Variants in RBMS3 observed in about 807,000 individuals in gnomAD.
RBMS3 encodes RNA binding motif single stranded interacting protein 3, also known as RNA-binding motif, single-stranded-interacting protein 3.
In RBMS3, 27 loss-of-function variants were observed where a neutral mutation model predicts 66.8. The ratio of observed to expected loss-of-function variants is 0.40; its 90% CI spans 0.30 to 0.56. RBMS3 has a LOEUF of 0.56. Ranked by LOEUF, RBMS3 falls within the 20% of genes least tolerant of loss-of-function variation. RBMS3 has a pLI of 0.40. For missense variants in RBMS3, 513 were observed against 549.5 expected (o/e 0.93, Z 0.66); for synonymous variants, 188 against 183.0 (o/e 1.03, Z -0.22).
intron 2 of RBMS3, among the ~76,000 whole-genome samples, chr3:29,480,454 G>T (rs1177158428): frequency 3.9e-5 from 6 of 152,102 alleles, no homozygotes; most frequent in Non-Finnish European, 7.4e-5. Context: ...TGGAGATAAG[G>T]GAAAAAGTAC....
chr3:29,698,938 C>G (rs1176794698), intron 4 of RBMS3, among the ~76,000 whole-genome samples: 1 of 152,074 alleles, frequency 6.6e-6, no homozygotes, highest in African/African-American at 2.4e-5. Flanking sequence ...CTTCACATAA[C>G]AACATATCTT....
intron 11 of RBMS3, among the ~76,000 whole-genome samples, chr3:29,937,071 G>A (rs2061285544): frequency 4.6e-5 from 7 of 151,984 alleles, no homozygotes; most frequent in Admixed American, 4.6e-4. Context: ...ATAAAAATAT[G>A]TTTTCTTTTG....
rs372173767 is a variant in RBMS3 at position 29,451,503 on chromosome 3, T to C, written c.248+16588T>C. Among the ~76,000 whole-genome samples the C allele has an allele frequency of 2.0e-5, 3 of 152,312 alleles. No homozygotes were observed. The East Asian group carries it at 5.8e-4, about 29-fold the overall frequency. On this transcript the variant is annotated intron_variant, in intron 2 of 14. Transcript: ENST00000383767. ...CCAGCATCTTAGTGTCTCCCTAATA[T>C]ATAATTAAGCAAAATTCAATATTAC...
At chr3:29,711,973 C>T (rs2053189318) in intron 4 of RBMS3, among the ~76,000 whole-genome samples, 4 of 152,146 alleles carry the variant, frequency 2.6e-5, no homozygotes, top group Non-Finnish European at 5.9e-5. Flanking sequence ...AACAGAGACA[C>T]TGTGCTTTTA....
intron 1 of RBMS3, among the ~76,000 whole-genome samples, chr3:29,286,346 A>G (rs975244595): frequency 6.6e-6 from 1 of 151,984 alleles, no homozygotes; most frequent in Admixed American, 6.6e-5. Flanking sequence ...GGGATTGAAC[A>G]CAATCCCAGT....
intron 10 of RBMS3, among the ~76,000 whole-genome samples, chr3:29,915,209 G>A (rs2060608675): frequency 6.6e-6 from 1 of 151,628 alleles, no homozygotes; most frequent in Non-Finnish European, 1.5e-5. Context: ...GATTATTTCA[G>A]GCTTTGCTGG....
intron 4 of RBMS3, among the ~76,000 whole-genome samples, chr3:29,692,738 G>T (rs1355150866): frequency 6.6e-6 from 1 of 152,164 alleles, no homozygotes; most frequent in Non-Finnish European, 1.5e-5. Flanking sequence ...TGATAGTAAT[G>T]AGTATACTGC....
chr3:29,434,312 T>C (rs2041315859), intron 1 of RBMS3, among the ~76,000 whole-genome samples: 1 of 152,196 alleles, frequency 6.6e-6, no homozygotes, highest in Non-Finnish European at 1.5e-5. Flanking sequence ...AGGGAGTTTC[T>C]TTGGAGAAAA....
chr3:29,571,106 G>A (rs2046937341), intron 3 of RBMS3, among the ~76,000 whole-genome samples: 1 of 151,764 alleles, frequency 6.6e-6, no homozygotes, highest in South Asian at 2.1e-4. Flanking sequence ...CCATATGCCT[G>A]TTTGCCATTT....
chr3:29,724,905 G>T (rs912241229), intron 4 of RBMS3, among the ~76,000 whole-genome samples: 1 of 152,110 alleles, frequency 6.6e-6, no homozygotes, highest in African/African-American at 2.4e-5. Context: ...ACTTTCTAAG[G>T]CAGGCAGAGA....
chr3:29,421,134 C>CCGAAA, intron 1 of RBMS3, among the ~76,000 whole-genome samples: 1 of 150,916 alleles, frequency 6.6e-6, no homozygotes, highest in African/African-American at 2.4e-5. Context: ...AAAAAGAAAA[C>CCGAAA]AGAAAAGGCC....
chr3:29,436,559 A>G (rs2041411928), intron 2 of RBMS3, among the ~76,000 whole-genome samples: 3 of 152,254 alleles, frequency 2.0e-5, no homozygotes, highest in Admixed American at 6.5e-5. Flanking sequence ...GTTGTTTAAA[A>G]AATCTAAACT....
At chr3:29,346,682 C>T (rs1005880138) in intron 1 of RBMS3, among the ~76,000 whole-genome samples, 3 of 151,980 alleles carry the variant, frequency 2.0e-5, no homozygotes, top group Admixed American at 1.3e-4. Flanking sequence ...CGTGAGCCAC[C>T]GCGCCTGGCC....
intron 4 of RBMS3, among the ~76,000 whole-genome samples, chr3:29,707,689 G>T (rs1307240962): frequency 3.9e-5 from 6 of 152,170 alleles, no homozygotes; most frequent in African/African-American, 9.7e-5. Flanking sequence ...CATGTTTACA[G>T]AAATCAAAGA....
chr3:29,883,154 T>C (rs1358256416), intron 7 of RBMS3, among the ~76,000 whole-genome samples: 1 of 152,132 alleles, frequency 6.6e-6, no homozygotes, highest in East Asian at 1.9e-4. Context: ...CTGACAGTCC[T>C]GGTAAACAAA....
At chr3:29,995,433 G>T (rs1459773103) in intron 14 of RBMS3, among the ~76,000 whole-genome samples, 2 of 151,944 alleles carry the variant, frequency 1.3e-5, no homozygotes, top group Non-Finnish European at 2.9e-5. Flanking sequence ...GATACTCCTC[G>T]AGAAGAGCAA....
chr3:29,856,103 G>A (rs2059068833), intron 6 of RBMS3, among the ~76,000 whole-genome samples: 1 of 152,148 alleles, frequency 6.6e-6, no homozygotes, highest in South Asian at 2.1e-4. Context: ...CTATCAGAAA[G>A]AATATTCTTT....
At chr3:29,467,126 C>G (rs1015090152) in intron 2 of RBMS3, among the ~76,000 whole-genome samples, 1 of 152,074 alleles carries the variant, frequency 6.6e-6, no homozygotes, top group African/African-American at 2.4e-5. Flanking sequence ...AACATTTTGC[C>G]AAATTCCCTA....
intron 4 of RBMS3, among the ~76,000 whole-genome samples, chr3:29,716,586 T>C (rs1389223729): frequency 6.6e-6 from 1 of 152,190 alleles, no homozygotes; most frequent in Non-Finnish European, 1.5e-5. Flanking sequence ...ACTGCCATTT[T>C]CCTTTTATTA....
Sources: allele counts gnomAD v4.1 joint callset (sites outside exome capture counted in the v4.1 genomes callset), GRCh38; gene constraint gnomAD v4.1.1; transcripts MANE v1.5; gene names NCBI Gene and HGNC (gene_info 2026-07-23, HGNC 2026-07-21).